The following TAB1 variants were observed in gnomAD, a reference collection of about 807,000 sequenced individuals.
TAB1 encodes TGF-beta-activated kinase 1 and MAP3K7-binding protein 1.
In TAB1, 30 loss-of-function variants were observed where a neutral mutation model predicts 54.5. The ratio of observed to expected loss-of-function variants is 0.55; its 90% CI spans 0.41 to 0.75. The LOEUF is 0.75. TAB1 is among the 30% of genes least tolerant of loss of function. The probability of loss-of-function intolerance (pLI) is 0.00; values close to 1 mark genes in which losing one functional copy is unlikely to be tolerated. For synonymous variants in TAB1, 289 were observed against 286.9 expected, an observed-to-expected ratio of 1.01 and a Z score of -0.07; for missense variants, 609 against 683.2, an observed-to-expected ratio of 0.89 and a Z score of 1.21.
intron 1 of TAB1, 162 bp from the exon 2 acceptor site, chr22:39,414,844 C>A: frequency 1.4e-6 from 1 of 702,398 alleles, no homozygotes; most frequent in Non-Finnish European, 2.3e-6. Flanking sequence ...AACCCTTCTG[C>A]AGGTGTCTGT....
chr22:39,409,395 C>T (rs1383368876), intron 1 of TAB1, among the ~76,000 whole-genome samples: 1 of 152,200 alleles, frequency 6.6e-6, no homozygotes, highest in African/African-American at 2.4e-5. Context: ...TATCAGTTAC[C>T]TGAAGAATAC....
chr22:39,433,491 A>G (rs1927664943), downstream of TAB1: 1 of 983,480 alleles, frequency 1.0e-6, no homozygotes, highest in South Asian at 4.7e-5. Context: ...CCCAAAACCC[A>G]GCTAGGTTGC....
chr22:39,414,169 T>A (rs943292623), intron 1 of TAB1, among the ~76,000 whole-genome samples: 1 of 151,794 alleles, frequency 6.6e-6, no homozygotes, highest in African/African-American at 2.4e-5. Flanking sequence ...CTGGGTAGGG[T>A]CATCCTGAAG....
rs35138133 is a variant in TAB1 at position 39,426,514 on chromosome 22, G to A, written c.922-189G>A. Among the ~76,000 whole-genome samples the A allele has an allele frequency of 4.0e-3, 614 of 152,362 alleles. 2 individuals carry two copies. The highest frequency in any genetic ancestry group is 6.9e-3 in the Non-Finnish European group (469 of 68,042). On this transcript the variant is annotated intron_variant, in intron 8 of 10. Coordinates refer to ENST00000216160, the MANE Select transcript of TAB1 (RefSeq NM_006116.3). ...ATCACAAGAGCACACACTTCCTAATGAGAAAGTTCCAGAAGGATTATCCTG... is the reference window on the plus strand; with the variant it reads ...ATCACAAGAGCACACACTTCCTAATAAGAAAGTTCCAGAAGGATTATCCTG...
intron 1 of TAB1, among the ~76,000 whole-genome samples, chr22:39,411,216 CAT>C (rs1458694225): frequency 6.6e-6 from 1 of 151,936 alleles, no homozygotes; most frequent in Non-Finnish European, 1.5e-5. Context: ...TAGAAAAAAA[CAT>C]AGGTGCTCTT....
chr22:39,430,396 G>A lies in TAB1; in HGVS notation c.*174G>A. 6.9e-7 allele frequency: 1 copy of A among 1,451,236 alleles called. No homozygotes were observed. Among genetic ancestry groups the A allele is most frequent in the East Asian group, 2.5e-5 (1 of 39,954 alleles). 89.9% of individuals were successfully genotyped at this position (1,451,236 alleles called of 1,614,324 possible). On this transcript the variant is annotated 3_prime_UTR_variant, in exon 11 of 11. Transcript: ENST00000216160. ...GAGTGTGTGAGTGCAGACTGGACCT[G>A]TGGTTCATACCTTGTCACCACCCGG...
intron 1 of TAB1, among the ~76,000 whole-genome samples, chr22:39,406,837 G>A (rs984709068): frequency 7.2e-5 from 11 of 152,244 alleles, no homozygotes; most frequent in Non-Finnish European, 1.3e-4. Flanking sequence ...GTTTCACCGT[G>A]TTAGCCAGGA....
downstream of TAB1, chr22:39,433,164 A>G (rs1423920779): frequency 7.1e-6 from 7 of 985,268 alleles, no homozygotes; most frequent in African/African-American, 5.2e-5. Context: ...TAAAGACATC[A>G]GTCTCGGCCG....
At chr22:39,408,753 G>A (rs1334287039) in intron 1 of TAB1, among the ~76,000 whole-genome samples, 3 of 152,076 alleles carry the variant, frequency 2.0e-5, no homozygotes, top group Non-Finnish European at 2.9e-5. Context: ...CACCCACCTC[G>A]GCCTCCCAAA....
chr22:39,415,477 C>G lies in TAB1; in HGVS notation c.171-23C>G. On this transcript the variant is annotated intron_variant, in intron 2 of 10. Coordinates refer to ENST00000216160, the MANE Select transcript of TAB1 (RefSeq NM_006116.3). This position sits in a 1 kb window ranked among gnomAD's most constrained non-coding sequence, Gnocchi z 4.9. ...CCGTGAGACCCTGGTCTCAGGCCTC[C>G]CTCTGCCCTCTCCCTCTTCCAGGAG... The G allele has an allele frequency of 1.4e-5, 22 of 1,608,716 alleles. No individual in the cohort carries two copies. The highest frequency in any genetic ancestry group is 1.8e-5 in the Non-Finnish European group (21 of 1,175,422).
chr22:39,432,796 C>CT (rs1927638450), downstream of TAB1: 15 of 985,624 alleles, frequency 1.5e-5, no homozygotes, highest in Non-Finnish European at 1.7e-5. Flanking sequence ...GCACTGTTGA[C>CT]TTTATGTCCC....
chr22:39,424,054 C>T (rs530400456), intron 8 of TAB1, among the ~76,000 whole-genome samples: 1 of 152,234 alleles, frequency 6.6e-6, no homozygotes, highest in South Asian at 2.1e-4. Flanking sequence ...CTCTGTATGC[C>T]TGTGCATTCC....
rs1303023788 is a variant in TAB1 at position 39,419,726 on chromosome 22, G to A, written c.776+96G>A. On this transcript the variant is annotated intron_variant, in intron 7 of 10. Transcript: ENST00000216160. ...TTGATTGTGCTGGGAGGTCGAGGCT[G>A]CAGTGAGCCGTGATCATGCCACTGC... 3 of 781,566 alleles carry A rather than the reference G, an allele frequency of 3.8e-6. No individual in the cohort carries two copies. The East Asian group carries it at 8.5e-5, about 22-fold the overall frequency. The allele number at this position is 781,566 out of a possible 1,614,324, so 48.4% of individuals were successfully genotyped here.
downstream of TAB1, among the ~76,000 whole-genome samples, chr22:39,434,241 T>C (rs1927701612): frequency 6.6e-6 from 1 of 152,250 alleles, no homozygotes; most frequent in Non-Finnish European, 1.5e-5. Context: ...TTAGCCGAGA[T>C]GTCCACCCAT....
Position 39,415,026 on chromosome 22 carries a change from A to G in TAB1, c.54A>G (p.Thr18=). 4 of 1,614,076 alleles carry G rather than the reference A, an allele frequency of 2.5e-6. No individual in the cohort carries two copies. Among genetic ancestry groups the G allele is most frequent in the Non-Finnish European group, 3.4e-6 (4 of 1,179,992 alleles). ...LLQSEQQPSW[T]DDLPLCHLSG... ...CCCAGGAGCAGCAGCCAAGCTGGACAGATGACCTGCCTCTCTGCCACCTCT... is the reference window on the plus strand; with the variant it reads ...CCCAGGAGCAGCAGCCAAGCTGGACGGATGACCTGCCTCTCTGCCACCTCT... Residue 18 remains threonine (T), a synonymous_variant, in exon 2 of 11, where the codon ACA becomes ACG. Transcript: ENST00000216160. This position sits in a 1 kb window ranked among gnomAD's most constrained non-coding sequence, Gnocchi z 4.9.
chr22:39,412,517 C>T (rs960622801), intron 1 of TAB1, among the ~76,000 whole-genome samples: 2 of 152,096 alleles, frequency 1.3e-5, no homozygotes, highest in South Asian at 2.1e-4. Flanking sequence ...GCCAGTTTTA[C>T]TCCATGTTAA....
At chr22:39,420,775 CTGTG>C (rs71326771) in intron 7 of TAB1, among the ~76,000 whole-genome samples, 910 of 71,820 alleles carry the variant, frequency 0.013, 16 homozygotes, top group African/African-American at 0.035. Flanking sequence ...CACGGTGTCT[CTGTG>C]TGTGTGTGTG....
intron 10 of TAB1, chr22:39,429,130 G>A (rs777786139): frequency 8.1e-6 from 8 of 985,462 alleles, no homozygotes; most frequent in Non-Finnish European, 9.6e-6. Flanking sequence ...TCCTTTCAGC[G>A]TCTGAGCCAT....
intron 1 of TAB1, among the ~76,000 whole-genome samples, chr22:39,404,285 T>G (rs1926270170): frequency 6.6e-6 from 1 of 152,082 alleles, no homozygotes; most frequent in Non-Finnish European, 1.5e-5. Context: ...GTTACTTAAT[T>G]ATAAAAAAGA....
Sources: gnomAD v4.1 joint callset for allele counts (sites outside exome capture counted in the v4.1 genomes callset) on GRCh38, gnomAD v4.1.1 for gene constraint, Gnocchi (gnomAD v3.1) non-coding constraint, MANE v1.5 for transcripts, NCBI Gene and HGNC (gene_info 2026-07-23, HGNC 2026-07-21) for gene names.